Variants in TMEM45B observed in about 807,000 individuals in gnomAD.
TMEM45B encodes the protein transmembrane protein 45B.
TMEM45B carries 29 observed loss-of-function variants against 27.3 expected under a neutral mutation model. The observed-to-expected ratio is 1.06, with a 90% CI of 0.79 to 1.45. The LOEUF (loss-of-function observed/expected upper bound fraction) is 1.45. TMEM45B is among the 40% of genes most tolerant of loss of function. The probability of loss-of-function intolerance (pLI) is 0.00; values close to 1 mark genes in which losing one functional copy is unlikely to be tolerated. For synonymous variants in TMEM45B, 143 were observed against 134.7 expected (o/e 1.06, Z -0.43); for missense variants, 348 against 343.9 (o/e 1.01, Z -0.09).
At chr11:129,821,579 T>C (rs1482357001) in intron 1 of TMEM45B, among the ~76,000 whole-genome samples, 1 of 152,216 alleles carries the variant, frequency 6.6e-6, no homozygotes, top group Non-Finnish European at 1.5e-5. Context: ...CGGTTGCTTT[T>C]TGAGCTTGTG....
chr11:129,841,896 C>A (rs1383717980), intron 1 of TMEM45B, among the ~76,000 whole-genome samples: 1 of 151,934 alleles, frequency 6.6e-6, no homozygotes, highest in Non-Finnish European at 1.5e-5. Context: ...CTGCGCCCGG[C>A]CTCAGAGAAT....
intron 2 of TMEM45B, 68 bp downstream of exon 2, chr11:129,852,728 G>A (rs1203012571): frequency 4.0e-6 from 6 of 1,507,228 alleles, no homozygotes; most frequent in African/African-American, 1.4e-5. Flanking sequence ...TTCATTTTCT[G>A]AGCCCTGTGA....
At chr11:129,844,943 C>T (rs990009929) in intron 1 of TMEM45B, among the ~76,000 whole-genome samples, 6 of 151,522 alleles carry the variant, frequency 4.0e-5, no homozygotes, top group South Asian at 4.2e-4. Flanking sequence ...TCCTTCAGGT[C>T]GAAAGAAAAT....
chr11:129,819,555 T>TTC (rs557583729), intron 1 of TMEM45B, among the ~76,000 whole-genome samples: 120 of 150,096 alleles, frequency 8.0e-4, no homozygotes, highest in East Asian at 3.3e-3. Context: ...TTCTTTTCTT[T>TTC]TCTCTCTCTC....
intron 1 of TMEM45B, among the ~76,000 whole-genome samples, chr11:129,847,842 T>C (rs1187918227): frequency 5.9e-5 from 9 of 151,952 alleles, no homozygotes; most frequent in African/African-American, 1.9e-4. Context: ...CCTTTCCCCC[T>C]TTTCTATTCC....
At chr11:129,850,605 G>C (rs1209187862) in intron 1 of TMEM45B, 1 of 152,162 alleles carries the variant, frequency 6.6e-6, no homozygotes, top group African/African-American at 2.4e-5. Flanking sequence ...CATAATTCAG[G>C]TAAGTTCTTT....
At position 129,841,590 on chromosome 11, in the gene TMEM45B, T is replaced by TCG. The variant is rs1947694005; in HGVS notation, c.-8-10885_-8-10884insCG. ...GGGCTTGAAGTTTTCTTTTGTTTTT[T>TCG]TGTTTTTTTTTTTTTTTTGGAGACA... is the stretch of plus-strand genomic sequence containing the variant. On this transcript the variant is annotated intron_variant, in intron 1 of 5. Transcript: ENST00000281441. Among the ~76,000 whole-genome samples the TCG allele has an allele frequency of 2.3e-5, 3 of 129,974 alleles. No homozygotes were observed. The Admixed American group carries it at 2.5e-4, about 11-fold the overall frequency. The allele number at this position is 129,974 out of a possible 152,430, so 85.3% of individuals were successfully genotyped here. A position where few individuals can be genotyped will look rare whatever the true frequency, so the allele number is the denominator to read the frequency against.
intron 5 of TMEM45B, 27 bp from the exon 6 acceptor site, chr11:129,858,547 T>C (rs1488354843): frequency 1.3e-6 from 2 of 1,526,976 alleles, no homozygotes; most frequent in Non-Finnish European, 8.9e-7. Flanking sequence ...CTCTGGCTAA[T>C]TGGCTCTTAC....
At chr11:129,816,672 G>A (rs1303635085) in intron 1 of TMEM45B, among the ~76,000 whole-genome samples, 2 of 148,460 alleles carry the variant, frequency 1.3e-5, no homozygotes, top group African/African-American at 2.5e-5. Flanking sequence ...TTAAGAAATA[G>A]AAACCCTTTC....
At chr11:129,848,618 G>A (rs117695499) in intron 1 of TMEM45B, among the ~76,000 whole-genome samples, 1,727 of 152,310 alleles carry the variant, frequency 0.011, 14 homozygotes, top group Middle Eastern at 0.024. Context: ...TGGTGCTAGA[G>A]GGACGGGCCT....
intron 1 of TMEM45B, chr11:129,850,273 T>A (rs1357362179): frequency 6.6e-6 from 1 of 152,260 alleles, no homozygotes; most frequent in Non-Finnish European, 1.5e-5. Context: ...CAAGCGATTC[T>A]CCTGCCTCAG....
intron 1 of TMEM45B, among the ~76,000 whole-genome samples, chr11:129,849,875 C>T (rs1483114575): frequency 1.3e-5 from 2 of 152,132 alleles, no homozygotes; most frequent in Non-Finnish European, 2.9e-5. Flanking sequence ...AGCAAGGCAG[C>T]CCCAAATGCC....
intron 1 of TMEM45B, among the ~76,000 whole-genome samples, chr11:129,821,071 T>A (rs1389918928): frequency 6.6e-6 from 1 of 152,204 alleles, no homozygotes; most frequent in Non-Finnish European, 1.5e-5. Context: ...ATTTTTGATA[T>A]GTCAATGTTT....
Position 129,817,660 on chromosome 11 carries a change from T to A in TMEM45B, c.-9+1762T>A, listed in dbSNP as rs545627270. 5.9e-5 allele frequency among the ~76,000 whole-genome samples: 9 copies of A among 152,334 alleles called. No homozygotes were observed. The South Asian group carries it at 1.9e-3, about 32-fold the overall frequency. Reference sequence around the variant, plus strand: ...CTCAGGCCACACCTGTTCCCATTTATTCCATGAGTTCCTCCCACACCCTTC... The same window carrying A: ...CTCAGGCCACACCTGTTCCCATTTAATCCATGAGTTCCTCCCACACCCTTC... On this transcript the variant is annotated intron_variant, in intron 1 of 5. Coordinates refer to ENST00000281441, the MANE Select transcript of TMEM45B (RefSeq NM_138788.5).
At chr11:129,822,988 C>T (rs942487427) in intron 1 of TMEM45B, among the ~76,000 whole-genome samples, 1 of 151,836 alleles carries the variant, frequency 6.6e-6, no homozygotes, top group African/African-American at 2.4e-5. Flanking sequence ...TTACAGGCGC[C>T]CACCACCATG....
intron 1 of TMEM45B, among the ~76,000 whole-genome samples, chr11:129,845,462 T>C (rs1029548672): frequency 2.5e-4 from 38 of 151,950 alleles, no homozygotes; most frequent in South Asian, 6.2e-4. Flanking sequence ...AAATAGACCA[T>C]GGTAACTTCA....
In TMEM45B at chr11:129,839,060, C is replaced by T. The variant is rs140094606; in HGVS notation, c.-8-13415C>T. Among the ~76,000 whole-genome samples the T allele has an allele frequency of 6.6e-3, 998 of 152,288 alleles. 18 individuals carry two copies. Among genetic ancestry groups the T allele is most frequent in the African/African-American group, 0.023 (961 of 41,558 alleles). On this transcript the variant is annotated intron_variant, in intron 1 of 5. Transcript: ENST00000281441. ...CCTCATTCTCCCTTACTCTTGCCTC[C>T]ATTTTCTCTTTCTGACTCCTTCTAC...
Position 129,849,057 on chromosome 11 carries a change from C to T in TMEM45B, c.-8-3418C>T, listed in dbSNP as rs550569164. ...CTGGCCCCCCAGAATTCACGTACTTCTCACAAACAAAATACATTCATTCCA... is the reference window on the plus strand; with the variant it reads ...CTGGCCCCCCAGAATTCACGTACTTTTCACAAACAAAATACATTCATTCCA... On this transcript the variant is annotated intron_variant, in intron 1 of 5. Coordinates refer to ENST00000281441, the MANE Select transcript of TMEM45B (RefSeq NM_138788.5). Among the ~76,000 whole-genome samples the T allele has an allele frequency of 2.6e-5, 4 of 152,326 alleles. No individual in the cohort carries two copies. The South Asian group carries it at 8.3e-4, about 32-fold the overall frequency.
intron 1 of TMEM45B, among the ~76,000 whole-genome samples, chr11:129,835,935 T>A (rs1183867761): frequency 6.6e-6 from 1 of 152,082 alleles, no homozygotes. Flanking sequence ...CTGGGCAACA[T>A]GGTGAAATCC....
Sources: gnomAD v4.1 joint callset for allele counts (sites outside exome capture counted in the v4.1 genomes callset) on GRCh38, gnomAD v4.1.1 for gene constraint, MANE v1.5 for transcripts, NCBI Gene and HGNC (gene_info 2026-07-23, HGNC 2026-07-21) for gene names.